Variants in PABPC4L observed in about 807,000 individuals in gnomAD.
PABPC4L encodes the protein poly(A) binding protein cytoplasmic 4 like.
For missense variants in PABPC4L, 452 were observed against 451.4 expected, an observed-to-expected ratio of 1.00 and a Z score of -0.01; for synonymous variants, 169 against 164.1, an observed-to-expected ratio of 1.03 and a Z score of -0.23.
the PABPC4L span, among the ~76,000 whole-genome samples, chr4:134,177,872 C>T: frequency 1.3e-5 from 2 of 151,950 alleles, no homozygotes; most frequent in Admixed American, 6.6e-5. Flanking sequence ...GGGCTCATGA[C>T]CCCACCCTCC....
chr4:134,052,683 T>A, the PABPC4L span, among the ~76,000 whole-genome samples: 1 of 151,984 alleles, frequency 6.6e-6, no homozygotes, highest in Admixed American at 6.6e-5. Flanking sequence ...GTCCATATAA[T>A]TGTCATCTCC....
the PABPC4L span, among the ~76,000 whole-genome samples, chr4:134,084,492 A>AT: frequency 2.8e-3 from 422 of 151,746 alleles, 2 homozygotes; most frequent in South Asian, 5.2e-3. Flanking sequence ...AAATTGATGG[A>AT]TTTTTTTTTA....
At chr4:134,048,663 G>C in the PABPC4L span, among the ~76,000 whole-genome samples, 4 of 152,020 alleles carry the variant, frequency 2.6e-5, no homozygotes, top group Non-Finnish European at 5.9e-5. Flanking sequence ...AGATATAGTA[G>C]TAATGATCAT....
the PABPC4L span, among the ~76,000 whole-genome samples, chr4:134,019,183 G>GT: frequency 6.6e-6 from 1 of 152,246 alleles, no homozygotes; most frequent in Non-Finnish European, 1.5e-5. Flanking sequence ...GAAGGAATCT[G>GT]TTTGTCAGCC....
At chr4:134,157,741 T>A in the PABPC4L span, among the ~76,000 whole-genome samples, 1 of 151,910 alleles carries the variant, frequency 6.6e-6, no homozygotes, top group African/African-American at 2.4e-5. Context: ...TGCATCCTTC[T>A]ATTTTTATCA....
the PABPC4L span, among the ~76,000 whole-genome samples, chr4:134,075,976 A>G: frequency 1.3e-5 from 2 of 152,246 alleles, no homozygotes; most frequent in East Asian, 1.9e-4. Context: ...AAGTAAATAA[A>G]CAAATGAACA....
At chr4:134,077,081 A>G in the PABPC4L span, among the ~76,000 whole-genome samples, 4 of 152,116 alleles carry the variant, frequency 2.6e-5, no homozygotes, top group East Asian at 5.8e-4. Flanking sequence ...TTGACATATT[A>G]TTCTTTTCTA....
chr4:133,983,810 T>C, the PABPC4L span, among the ~76,000 whole-genome samples: 1 of 151,948 alleles, frequency 6.6e-6, no homozygotes, highest in South Asian at 2.1e-4. Context: ...ATACTGATAA[T>C]TTATTTTATT....
At chr4:134,160,257 C>G in the PABPC4L span, among the ~76,000 whole-genome samples, 4 of 152,050 alleles carry the variant, frequency 2.6e-5, no homozygotes, top group Non-Finnish European at 4.4e-5. Flanking sequence ...AAACTTTAGG[C>G]AGCCCAGTGC....
At chr4:133,973,722 TA>T in the PABPC4L span, among the ~76,000 whole-genome samples, 2 of 152,166 alleles carry the variant, frequency 1.3e-5, no homozygotes, top group Non-Finnish European at 2.9e-5. Context: ...TTATTTGACC[TA>T]ACTTAGACTT....
At chr4:134,105,968 T>A in the PABPC4L span, among the ~76,000 whole-genome samples, 1 of 151,668 alleles carries the variant, frequency 6.6e-6, no homozygotes, top group African/African-American at 2.4e-5. Context: ...TTCTTTATAG[T>A]TCCTGCTTAT....
the PABPC4L span, among the ~76,000 whole-genome samples, chr4:134,030,135 G>C: frequency 6.6e-6 from 1 of 151,954 alleles, no homozygotes; most frequent in Non-Finnish European, 1.5e-5. Flanking sequence ...TCTTGGATAT[G>C]GCCTTAAGGC....
chr4:134,005,352 T>A, the PABPC4L span, among the ~76,000 whole-genome samples: 1 of 151,874 alleles, frequency 6.6e-6, no homozygotes, highest in Non-Finnish European at 1.5e-5. Context: ...CATATAATAA[T>A]GAGTATTTTT....
At chr4:134,201,823 C>T (rs1178772460), upstream of PABPC4L, 1 of 152,272 alleles carries the variant, frequency 6.6e-6, no homozygotes, top group African/African-American at 2.4e-5. Context: ...TTTTTAAGAA[C>T]GTTTTTCTTC....
chr4:134,090,057 T>A, the PABPC4L span, among the ~76,000 whole-genome samples: 1 of 152,060 alleles, frequency 6.6e-6, no homozygotes, highest in Non-Finnish European at 1.5e-5. Flanking sequence ...CAGAAAGGAT[T>A]ACTCCGTTCT....
At chr4:134,001,248 G>A in the PABPC4L span, among the ~76,000 whole-genome samples, 1 of 151,188 alleles carries the variant, frequency 6.6e-6, no homozygotes, top group East Asian at 1.9e-4. Context: ...AGAAGAAACA[G>A]CATGACAGCA....
chr4:134,054,281 TATATATATAG>T, the PABPC4L span, among the ~76,000 whole-genome samples: 1 of 139,372 alleles, frequency 7.2e-6, no homozygotes, highest in Admixed American at 7.4e-5. Flanking sequence ...TATATATATA[TATATATATAG>T]TTATGCTAGT....
chr4:134,157,224 T>A, the PABPC4L span, among the ~76,000 whole-genome samples: 1 of 151,644 alleles, frequency 6.6e-6, no homozygotes, highest in Non-Finnish European at 1.5e-5. Context: ...TCAAATTTGT[T>A]ACAAATTATT....
At chr4:134,046,859 A>G in the PABPC4L span, among the ~76,000 whole-genome samples, 6 of 152,210 alleles carry the variant, frequency 3.9e-5, no homozygotes, top group Non-Finnish European at 5.9e-5. Flanking sequence ...GGTTGGGGCT[A>G]AAGTTACAGA....
Sources: gnomAD v4.1 joint callset for allele counts (sites outside exome capture counted in the v4.1 genomes callset) on GRCh38, gnomAD v4.1.1 for gene constraint, MANE v1.5 for transcripts, NCBI Gene and HGNC (gene_info 2026-07-23, HGNC 2026-07-21) for gene names.